CFAP210: variants seen among roughly 807,000 people sequenced by gnomAD.
CFAP210 encodes cilia and flagella associated protein 210, also known as cilia- and flagella- associated protein 210.
chr2:169,649,012 TTCACTGGAGATAGAAACAAACC>T, the CFAP210 span, among the ~76,000 whole-genome samples: 5 of 152,328 alleles, frequency 3.3e-5, no homozygotes, highest in East Asian at 7.7e-4. Context: ...ACATGGGAAC[TTCACTGGAGATAGAAACAAACC>T]TCACATTTTT....
At chr2:169,650,411 G>C in the CFAP210 span, 1 of 1,603,070 alleles carries the variant, frequency 6.2e-7, no homozygotes, top group South Asian at 1.1e-5. Flanking sequence ...TTCCCATTCA[G>C]CCTCAGCTTC....
At chr2:169,687,210 A>G in the CFAP210 span, among the ~76,000 whole-genome samples, 30 of 152,236 alleles carry the variant, frequency 2.0e-4, no homozygotes, top group East Asian at 5.8e-3. Context: ...CAGCCAAACC[A>G]TATCATTCTG....
the CFAP210 span, among the ~76,000 whole-genome samples, chr2:169,672,968 C>A: frequency 1.3e-5 from 2 of 152,270 alleles, no homozygotes; most frequent in South Asian, 4.1e-4. Flanking sequence ...GTCTTACCCA[C>A]ATAACTGAAT....
chr2:169,680,450 G>A, the CFAP210 span, among the ~76,000 whole-genome samples: 62,043 of 152,114 alleles, frequency 0.41, 12,943 homozygotes, highest in Non-Finnish European at 0.44. Flanking sequence ...AGACTTATAA[G>A]TGAATGTTCA....
At chr2:169,682,096 T>C in the CFAP210 span, among the ~76,000 whole-genome samples, 2 of 152,182 alleles carry the variant, frequency 1.3e-5, no homozygotes, top group Non-Finnish European at 2.9e-5. Context: ...TGTTCCGTTA[T>C]ATGAATTTAA....
At chr2:169,663,707 GTCAGATTCAC>G in the CFAP210 span, among the ~76,000 whole-genome samples, 1 of 151,694 alleles carries the variant, frequency 6.6e-6, no homozygotes, top group Non-Finnish European at 1.5e-5. Flanking sequence ...AAGCTTTAGA[GTCAGATTCAC>G]TCTCTTTAGG....
At chr2:169,645,788 G>C in the CFAP210 span, 1 of 1,095,332 alleles carries the variant, frequency 9.1e-7, no homozygotes. Flanking sequence ...ATTTATATTT[G>C]AAGCTCATAT....
the CFAP210 span, among the ~76,000 whole-genome samples, chr2:169,652,518 C>T: frequency 0.13 from 19,827 of 151,974 alleles, 1,456 homozygotes; most frequent in Non-Finnish European, 0.18. Context: ...AGAAGGATCC[C>T]TTGAGGCTAT....
the CFAP210 span, among the ~76,000 whole-genome samples, chr2:169,686,564 T>C: frequency 6.6e-6 from 1 of 152,210 alleles, no homozygotes; most frequent in African/African-American, 2.4e-5. Context: ...CTGCAGAGTC[T>C]GGAAGTAATG....
chr2:169,667,649 A>G, the CFAP210 span, among the ~76,000 whole-genome samples: 1 of 152,044 alleles, frequency 6.6e-6, no homozygotes, highest in Non-Finnish European at 1.5e-5. Context: ...AACAACATTA[A>G]TCTCTTGTAT....
chr2:169,681,301 G>A, the CFAP210 span: 5 of 1,157,998 alleles, frequency 4.3e-6, no homozygotes, highest in African/African-American at 4.6e-5. Context: ...CGTCTGAGAA[G>A]TTCCGATATT....
the CFAP210 span, among the ~76,000 whole-genome samples, chr2:169,654,443 TTCAA>T: frequency 6.6e-6 from 1 of 152,170 alleles, no homozygotes; most frequent in Non-Finnish European, 1.5e-5. Flanking sequence ...CCTCTAAATA[TTCAA>T]TCATAGAGAA....
the CFAP210 span, chr2:169,648,162 CAAAAAAAAA>C: frequency 0.011 from 1,111 of 101,676 alleles, 5 homozygotes; most frequent in South Asian, 0.014. Flanking sequence ...AACTCTGTCT[CAAAAAAAAA>C]AAAAAAAAAA....
chr2:169,690,789 T>C, the CFAP210 span, among the ~76,000 whole-genome samples: 1 of 152,216 alleles, frequency 6.6e-6, no homozygotes, highest in African/African-American at 2.4e-5. Flanking sequence ...AGGATTACTT[T>C]TATGTAATGT....
At chr2:169,680,918 T>TA in the CFAP210 span, 3 of 1,121,098 alleles carry the variant, frequency 2.7e-6, no homozygotes, top group Middle Eastern at 2.1e-4. Context: ...ATTTTACATG[T>TA]AAAAAAATTT....
chr2:169,654,173 C>G, the CFAP210 span: 2 of 1,595,912 alleles, frequency 1.3e-6, no homozygotes. Context: ...CTTGCTGCTG[C>G]TGTTCTACAG....
chr2:169,668,955 T>C, the CFAP210 span, among the ~76,000 whole-genome samples: 2 of 152,164 alleles, frequency 1.3e-5, no homozygotes, highest in Non-Finnish European at 2.9e-5. Context: ...CCACAAATCT[T>C]CGATTTGTAA....
chr2:169,676,571 T>C, the CFAP210 span, among the ~76,000 whole-genome samples: 1 of 152,140 alleles, frequency 6.6e-6, no homozygotes, highest in Non-Finnish European at 1.5e-5. Context: ...CTGTAGGCCC[T>C]GGCAACCACT....
chr2:169,684,533 T>C, the CFAP210 span, among the ~76,000 whole-genome samples: 1 of 152,224 alleles, frequency 6.6e-6, no homozygotes, highest in Non-Finnish European at 1.5e-5. Context: ...ATTGGAGACA[T>C]TTCATGTGCA....
Sources: allele counts gnomAD v4.1 joint callset (sites outside exome capture counted in the v4.1 genomes callset), GRCh38; gene constraint gnomAD v4.1.1; transcripts MANE v1.5; gene names NCBI Gene and HGNC (gene_info 2026-07-23, HGNC 2026-07-21).